GABRG3: variants seen among roughly 807,000 people sequenced by gnomAD.
GABRG3 encodes gamma-aminobutyric acid type A receptor subunit gamma3.
GABRG3 carries 25 observed loss-of-function variants against 48.8 expected under a neutral mutation model. The ratio of observed to expected loss-of-function variants is 0.51; its 90% CI spans 0.37 to 0.72. The LOEUF (loss-of-function observed/expected upper bound fraction) is 0.72. Among genes scored for constraint, GABRG3 ranks in the 30% least tolerant of loss-of-function variants. GABRG3 has a pLI of 0.00. For synonymous variants in GABRG3, 227 were observed against 217.6 expected (o/e 1.04, Z -0.38); for missense variants, 394 against 577.9 (o/e 0.68, Z 3.26).
At chr15:26,996,499 C>T (rs1052791717) in intron 2 of GABRG3, among the ~76,000 whole-genome samples, 1 of 151,986 alleles carries the variant, frequency 6.6e-6, no homozygotes, top group Non-Finnish European at 1.5e-5. Flanking sequence ...AAGATTTTCT[C>T]TCTGTGTTTC....
chr15:27,126,547 C>T (rs1897824392), intron 3 of GABRG3, among the ~76,000 whole-genome samples: 1 of 152,158 alleles, frequency 6.6e-6, no homozygotes, highest in South Asian at 2.1e-4. Context: ...TGGGGGAGGC[C>T]ATGGGTTTTC....
intron 3 of GABRG3, among the ~76,000 whole-genome samples, chr15:27,241,858 T>TG (rs1890137435): frequency 6.6e-6 from 1 of 152,262 alleles, no homozygotes; most frequent in Non-Finnish European, 1.5e-5. Context: ...AGGTTCACTT[T>TG]TGACAAGAGT....
chr15:27,198,332 G>C (rs184550675), intron 3 of GABRG3, among the ~76,000 whole-genome samples: 1 of 152,106 alleles, frequency 6.6e-6, no homozygotes, highest in Admixed American at 6.5e-5. Context: ...AAAAGTGGGC[G>C]AAGGATATGA....
At chr15:27,263,119 G>C (rs74004769) in intron 3 of GABRG3, among the ~76,000 whole-genome samples, 1 of 152,154 alleles carries the variant, frequency 6.6e-6, no homozygotes, top group Non-Finnish European at 1.5e-5. Flanking sequence ...CGCTAGTGCC[G>C]CATCAGCAGT....
rs577665289 is a variant in GABRG3, at chr15:27,308,433, C to A, written c.271-18376C>A. On this transcript the variant is annotated intron_variant, in intron 3 of 9. Transcript: ENST00000615808. ...ATATAAACATGTAATGTAAACATAC[C>A]TGTTTATATAAACATATGCAAACAT... Among the ~76,000 whole-genome samples the A allele has an allele frequency of 5.9e-4, 85 of 143,840 alleles. No individual in the cohort carries two copies. In the East Asian group the frequency reaches 7.5e-3, roughly 13 times the overall value. 94.4% of individuals were successfully genotyped at this position (143,840 alleles called of 152,430 possible). A position where few individuals can be genotyped will look rare whatever the true frequency, so the allele number is the denominator to read the frequency against.
chr15:27,158,518 T>G (rs1054186176), intron 3 of GABRG3: 19 of 152,226 alleles, frequency 1.2e-4, no homozygotes, highest in African/African-American at 4.3e-4. Context: ...TTGCTTTATG[T>G]TAAAGATTTT....
At chr15:27,409,773 T>C (rs1887743143) in intron 5 of GABRG3, among the ~76,000 whole-genome samples, 1 of 152,212 alleles carries the variant, frequency 6.6e-6, no homozygotes, top group Admixed American at 6.5e-5. Context: ...TGACTGATTT[T>C]TATGTGTTGA....
At chr15:27,056,776 C>T (rs532427685) in intron 3 of GABRG3, among the ~76,000 whole-genome samples, 1 of 152,242 alleles carries the variant, frequency 6.6e-6, no homozygotes, top group South Asian at 2.1e-4. Flanking sequence ...TTGATTTATT[C>T]TGCAATAAAT....
At chr15:27,459,071 A>G (rs75806305) in intron 5 of GABRG3, among the ~76,000 whole-genome samples, 3,505 of 152,298 alleles carry the variant, frequency 0.023, 146 homozygotes, top group African/African-American at 0.081. Context: ...TTCCCCAGAA[A>G]TACTTCCCCC....
Position 27,538,469 on chromosome 15 carries a change from C to G in GABRG3, c.*5588C>G, listed in dbSNP as rs553308392. On this transcript the variant is annotated 3_prime_UTR_variant, in exon 10 of 10. Transcript: ENST00000615808. ...GTAGCATTCAGGTTATTGAGGTGAACGTAAATTGCTTTGCTTGAACAATTG... is the reference window on the plus strand; with the variant it reads ...GTAGCATTCAGGTTATTGAGGTGAAGGTAAATTGCTTTGCTTGAACAATTG... 2 of 152,292 alleles carry G rather than the reference C, an allele frequency of 1.3e-5. No homozygotes were observed. The highest frequency in any genetic ancestry group is 4.8e-5 in the African/African-American group (2 of 41,572). The allele number at this position is 152,292 out of a possible 1,614,324, so 9.4% of individuals were successfully genotyped here.
chr15:27,186,664 A>C (rs1385953800), intron 3 of GABRG3, among the ~76,000 whole-genome samples: 2 of 152,118 alleles, frequency 1.3e-5, no homozygotes, highest in African/African-American at 4.8e-5. Context: ...CCTTGCCAAC[A>C]TCTCTTATTT....
Position 27,060,767 on chromosome 15 carries a change from T to C in GABRG3, c.270+33946T>C, listed in dbSNP as rs182351408. On this transcript the variant is annotated intron_variant, in intron 3 of 9. Coordinates refer to ENST00000615808, the MANE Select transcript of GABRG3 (RefSeq NM_033223.5). ...TTTGCCACTTTCACTGGTTATTTTA[T>C]GTGCTTGAAAATAGCCACAACACTT... Among the ~76,000 whole-genome samples, 356 of 152,344 alleles carry C rather than the reference T, an allele frequency of 2.3e-3. 1 individual carries two copies. The highest frequency in any genetic ancestry group is 0.019 in the South Asian group (90 of 4,828).
At chr15:27,056,941 A>G (rs1896558881) in intron 3 of GABRG3, among the ~76,000 whole-genome samples, 1 of 152,032 alleles carries the variant, frequency 6.6e-6, no homozygotes, top group Non-Finnish European at 1.5e-5. Context: ...GGTCCTCCTT[A>G]ATGAAAAATA....
chr15:27,274,627 AC>A (rs1234102472), intron 3 of GABRG3, among the ~76,000 whole-genome samples: 1 of 152,074 alleles, frequency 6.6e-6, no homozygotes, highest in Non-Finnish European at 1.5e-5. Flanking sequence ...AAATTTCAAC[AC>A]GAGTTTTGGT....
intron 5 of GABRG3, among the ~76,000 whole-genome samples, chr15:27,449,382 C>T (rs886270381): frequency 6.6e-6 from 1 of 152,112 alleles, no homozygotes; most frequent in African/African-American, 2.4e-5. Context: ...AGAAGGTTTC[C>T]TTATCCTCTG....
rs1566770454 is a variant in GABRG3 at position 27,307,157 on chromosome 15, A to AACATGTTTATACATATATAAACATAATAT, written c.271-19651_271-19650insCATGTTTATACATATATAAACATAATATA. The stretch of plus-strand genomic sequence containing the variant: ...ATGTTTATACATATATAAACATATA[A>AACATGTTTATACATATATAAACATAATAT]AAACATGTTTATACATAATATATAA... On this transcript the variant is annotated intron_variant, in intron 3 of 9. Transcript: ENST00000615808. Among the ~76,000 whole-genome samples the AACATGTTTATACATATATAAACATAATAT allele has an allele frequency of 3.8e-3, 511 of 134,970 alleles. 17 individuals are homozygous for AACATGTTTATACATATATAAACATAATAT. The highest frequency in any genetic ancestry group is 0.013 in the African/African-American group (483 of 36,984). The allele number at this position is 134,970 out of a possible 152,430, so 88.5% of individuals were successfully genotyped here. A position where few individuals can be genotyped will look rare whatever the true frequency, so the allele number is the denominator to read the frequency against.
At chr15:27,211,524 T>C (rs1431737128) in intron 3 of GABRG3, among the ~76,000 whole-genome samples, 1 of 152,238 alleles carries the variant, frequency 6.6e-6, no homozygotes, top group Non-Finnish European at 1.5e-5. Flanking sequence ...CTGAATTAAG[T>C]TTGAGGACTA....
intron 3 of GABRG3, among the ~76,000 whole-genome samples, chr15:27,283,867 C>A (rs1043857141): frequency 1.3e-5 from 2 of 152,094 alleles, no homozygotes; most frequent in African/African-American, 4.8e-5. Context: ...AGTGTAATAT[C>A]CAGAGTTTTA....
At chr15:27,020,363 C>T (rs999814860) in intron 2 of GABRG3, among the ~76,000 whole-genome samples, 2 of 152,228 alleles carry the variant, frequency 1.3e-5, no homozygotes, top group Admixed American at 6.5e-5. Context: ...TCCTTGTCAA[C>T]ACCTATTGGT....
Sources: gnomAD v4.1 joint callset for allele counts (sites outside exome capture counted in the v4.1 genomes callset) on GRCh38, gnomAD v4.1.1 for gene constraint, MANE v1.5 for transcripts, NCBI Gene and HGNC (gene_info 2026-07-23, HGNC 2026-07-21) for gene names.